The following DDB1 variants were observed in gnomAD, a reference collection of about 807,000 sequenced individuals.
DDB1 encodes DNA damage-binding protein 1.
DDB1 carries 18 observed loss-of-function variants against 133.1 expected under a neutral mutation model. The observed-to-expected ratio is 0.14, with a 90% CI of 0.09 to 0.20. The LOEUF is 0.20. DDB1 is among the 10% of genes least tolerant of loss of function. DDB1 has a pLI of 1.00. For missense variants in DDB1, 828 were observed against 1,459.2 expected (o/e 0.57, Z 7.05); for synonymous variants, 580 against 550.5 (o/e 1.05, Z -0.75).
chr11:61,332,298 T>C (rs1469422799), intron 1 of DDB1: 1 of 153,084 alleles, frequency 6.5e-6, no homozygotes, highest in East Asian at 1.9e-4. Flanking sequence ...AGAATGTGGG[T>C]TAAGATGACT....
At chr11:61,322,523 C>A in intron 8 of DDB1, 111 bp from the exon 9 acceptor site, 1 of 807,140 alleles carries the variant, frequency 1.2e-6, no homozygotes, top group South Asian at 1.5e-5. Flanking sequence ...CTAGATCTGC[C>A]ATTCTCATGT....
chr11:61,301,493 C>T (rs1289226235), intron 25 of DDB1: 3 of 152,548 alleles, frequency 2.0e-5, no homozygotes, highest in Non-Finnish European at 1.5e-5. Flanking sequence ...ATCACTTGAG[C>T]CCAGGATGTC....
Position 61,300,205 on chromosome 11 carries a change from G to A in DDB1, c.3354C>T (p.Ser1118=), listed in dbSNP as rs1855769791. 6 of 1,614,012 alleles carry A rather than the reference G, an allele frequency of 3.7e-6. No individual in the cohort carries two copies. Among genetic ancestry groups the A allele is most frequent in the Non-Finnish European group, 5.1e-6 (6 of 1,179,954 alleles). The change falls in exon 27 of 27, where the codon AGC becomes AGT. Residue 1118 remains serine, a synonymous_variant. Coordinates refer to ENST00000301764, the MANE Select transcript of DDB1 (RefSeq NM_001923.5). ...CTGCAGTGGCCTCTCGCTTCATACCGCTGCCATCGTCATACTGCAATGAGA... is the reference window on the plus strand; with the variant it reads ...CTGCAGTGGCCTCTCGCTTCATACCACTGCCATCGTCATACTGCAATGAGA... ...VVANLQYDDG[S]GMKREATADD...
chr11:61,312,146 C>G, intron 16 of DDB1, 62 bp from the exon 17 acceptor site: 2 of 1,459,188 alleles, frequency 1.4e-6, no homozygotes, highest in East Asian at 4.5e-5. Flanking sequence ...TTCTATGAGG[C>G]AACTCCACAG....
intron 6 of DDB1, 195 bp from the exon 7 acceptor site, chr11:61,324,332 A>G (rs1856234614): frequency 3.0e-5 from 17 of 568,114 alleles, no homozygotes; most frequent in Middle Eastern, 4.8e-4. Context: ...TTTTGAAGAT[A>G]ATTTTCTGAG....
At chr11:61,328,402 C>G (rs1049134222) in intron 4 of DDB1, among the ~76,000 whole-genome samples, 1 of 152,170 alleles carries the variant, frequency 6.6e-6, no homozygotes, top group Non-Finnish European at 1.5e-5. Flanking sequence ...CAGCCACATG[C>G]AAATGAAATG....
In DDB1 at chr11:61,329,580, C is replaced by T. The variant is rs754234630; in HGVS notation, c.332G>A (p.Arg111His). The change falls in exon 4 of 27, where the codon CGC becomes CAC. Residue 111 changes from arginine (R) to histidine (H), a missense_variant. Transcript: ENST00000301764. Reference protein sequence around the residue: ...ITRAHGNVQDRIGRPSETGII... With the variant: ...ITRAHGNVQDHIGRPSETGII... ...GCCGGTCTCTGAGGGGCGGCCAATGCGGTCCTGAGAAACAAAATCGGGATT... is the reference window on the plus strand; with the variant it reads ...GCCGGTCTCTGAGGGGCGGCCAATGTGGTCCTGAGAAACAAAATCGGGATT... The T allele has an allele frequency of 1.2e-6, 2 of 1,608,336 alleles. No individual in the cohort carries two copies. Among genetic ancestry groups the T allele is most frequent in the Non-Finnish European group, 1.7e-6 (2 of 1,177,102 alleles).
intron 15 of DDB1, 43 bp downstream of exon 15, chr11:61,313,819 C>A: frequency 6.2e-7 from 1 of 1,608,730 alleles, no homozygotes; most frequent in South Asian, 1.1e-5. Context: ...AATTCTAATA[C>A]TCTATTTTTG....
chr11:61,329,616 C>T lies in DDB1; in HGVS notation c.328-32G>A, dbSNP rs28720262. On this transcript the variant is annotated intron_variant, in intron 3 of 26. Coordinates refer to ENST00000301764, the MANE Select transcript of DDB1 (RefSeq NM_001923.5). ...AACAAAATCGGGATTAGGGAAGAAC[C>T]TCAACATCCACAGAGCAACAGAGGA... is the stretch of plus-strand genomic sequence containing the variant. 1,040 of 1,569,982 alleles carry T rather than the reference C, an allele frequency of 6.6e-4. 9 individuals carry two copies. In the African/African-American group the frequency reaches 0.013, roughly 19 times the overall value.
In DDB1 at chr11:61,299,936, G is replaced by C. The variant is rs1855764527; in HGVS notation, c.*200C>G. Reference sequence around the variant, plus strand: ...ATCATGTGAGACTGGTAAAAATCCAGGGAGAAAATGTTTCACCTTCAGCTC... The same window carrying C: ...ATCATGTGAGACTGGTAAAAATCCACGGAGAAAATGTTTCACCTTCAGCTC... On this transcript the variant is annotated 3_prime_UTR_variant, in exon 27 of 27. Transcript: ENST00000301764. 1.7e-6 allele frequency: 1 copy of C among 594,372 alleles called. No homozygotes were observed. The allele number at this position is 594,372 out of a possible 1,614,324, so 36.8% of individuals were successfully genotyped here. A position where few individuals can be genotyped will look rare whatever the true frequency, so the allele number is the denominator to read the frequency against.
Position 61,303,054 on chromosome 11 carries a change from T to C in DDB1, c.2934A>G (p.Gln978=), listed in dbSNP as rs756591709. ...AGCTGGCCACTACTCACCTATCCTTTTGACACACAAACAAGTTAAAGGCAT... is the reference window on the plus strand; with the variant it reads ...AGCTGGCCACTACTCACCTATCCTTCTGACACACAAACAAGTTAAAGGCAT... ...AENAFNLFVC[Q]KDSAATTDEE... The change falls in exon 23 of 27, where the codon CAA becomes CAG. Residue 978 remains glutamine (Q), a synonymous_variant. Transcript: ENST00000301764. 4 of 1,614,104 alleles carry C rather than the reference T, an allele frequency of 2.5e-6. No homozygotes were observed. Among genetic ancestry groups the C allele is most frequent in the Non-Finnish European group, 2.5e-6 (3 of 1,179,978 alleles).
chr11:61,328,620 C>T (rs977257909), intron 4 of DDB1, among the ~76,000 whole-genome samples: 3 of 152,314 alleles, frequency 2.0e-5, no homozygotes, highest in African/African-American at 7.2e-5. Context: ...CGTCTGAAAT[C>T]TCAGCACTTT....
intron 21 of DDB1, among the ~76,000 whole-genome samples, chr11:61,306,269 C>T (rs1855881715): frequency 6.6e-6 from 1 of 152,222 alleles, no homozygotes. Context: ...TTCCTAAGGG[C>T]CTTGTGGCCC....
intron 4 of DDB1, among the ~76,000 whole-genome samples, chr11:61,328,393 A>G (rs1290872495): frequency 6.6e-6 from 1 of 152,188 alleles, no homozygotes; most frequent in Non-Finnish European, 1.5e-5. Flanking sequence ...TCACTTATTC[A>G]GCCACATGCA....
At chr11:61,328,602 G>C (rs1856308487) in intron 4 of DDB1, among the ~76,000 whole-genome samples, 1 of 152,230 alleles carries the variant, frequency 6.6e-6, no homozygotes, top group South Asian at 2.1e-4. Context: ...GCCGAGCACG[G>C]TGGCTCACGT....
intron 8 of DDB1, 43 bp from the exon 9 acceptor site, chr11:61,322,455 A>G (rs1856197767): frequency 6.9e-7 from 1 of 1,446,518 alleles, no homozygotes; most frequent in East Asian, 2.3e-5. Context: ...AGAACACCCT[A>G]ACAGACCCAC....
chr11:61,332,876 C>A, intron 1 of DDB1, 32 bp downstream of exon 1: 1 of 1,460,234 alleles, frequency 6.8e-7, no homozygotes, highest in Non-Finnish European at 9.1e-7. Context: ...AACTCCCTCA[C>A]TCGCCGGGGT....
chr11:61,311,912 G>C lies in DDB1; in HGVS notation c.2166-17C>G, dbSNP rs58597752. 2.5e-6 allele frequency: 4 copies of C among 1,614,044 alleles called. No individual in the cohort carries two copies. Among genetic ancestry groups the C allele is most frequent in the Non-Finnish European group, 3.4e-6 (4 of 1,179,906 alleles). ...CAGATCTTCCTGCAGAACAAGTACAGAACAACAGTGTCACTTAGAAAGTCA... is the reference window on the plus strand; with the variant it reads ...CAGATCTTCCTGCAGAACAAGTACACAACAACAGTGTCACTTAGAAAGTCA... On this transcript the variant is annotated splice_polypyrimidine_tract_variant and intron_variant, in intron 17 of 26. Transcript: ENST00000301764.
chr11:61,311,753 A>T (rs759368261), intron 18 of DDB1, 31 bp downstream of exon 18: 2 of 1,589,514 alleles, frequency 1.3e-6, no homozygotes, highest in Non-Finnish European at 8.6e-7. Context: ...CCCCTGCTCT[A>T]AGGTCATCTT....
Sources: gnomAD v4.1 joint callset for allele counts (sites outside exome capture counted in the v4.1 genomes callset) on GRCh38, gnomAD v4.1.1 for gene constraint, MANE v1.5 for transcripts, NCBI Gene and HGNC (gene_info 2026-07-23, HGNC 2026-07-21) for gene names.